Variants in ATXN1L observed in about 807,000 individuals in gnomAD.
The protein encoded by ATXN1L is ataxin-1-like.
A neutral mutation model predicts 43.4 loss-of-function variants in ATXN1L; 8 were observed. The ratio of observed to expected loss-of-function variants is 0.18; its 90% CI spans 0.11 to 0.33. The LOEUF (loss-of-function observed/expected upper bound fraction) is 0.33. ATXN1L is among the 10% of genes least tolerant of loss of function. The probability of loss-of-function intolerance (pLI) is 1.00; values close to 1 mark genes in which losing one functional copy is unlikely to be tolerated. For missense variants in ATXN1L, 856 were observed against 885.4 expected, an observed-to-expected ratio of 0.97 and a Z score of 0.42; for synonymous variants, 379 against 360.6, an observed-to-expected ratio of 1.05 and a Z score of -0.58.
chr16:71,851,524 G>A lies in ATXN1L; in HGVS notation c.1784G>A (p.Cys595Tyr). The A allele has an allele frequency of 1.3e-6, 2 of 1,551,600 alleles. No individual in the cohort carries two copies. Among genetic ancestry groups the A allele is most frequent in the East Asian group, 2.4e-5 (1 of 40,912 alleles). ...AGTAACTCAGTTTCTCAGGCCAGCT[G>A]TGCTCCCCCAAGCCAGCTGGGTCCC... Reference protein sequence around the residue: ...LNSNSVSQASCAPPSQLGPPR... With the variant: ...LNSNSVSQASYAPPSQLGPPR... The change falls in exon 3 of 3, where the codon TGT (cysteine) becomes TAT (tyrosine). Residue 595 changes from cysteine to tyrosine, a missense_variant. Cys to Tyr is a radical substitution (Grantham distance 194). Around this residue, in one of 7 missense-constraint regions of ATXN1L, gnomAD observed 185 missense variants for 176.8 expected, o/e 1.05. Transcript: ENST00000427980. This position sits in a 1 kb window ranked among gnomAD's most constrained non-coding sequence, Gnocchi z 4.9.
chr16:71,849,449 T>C (rs1795077727), intron 2 of ATXN1L, among the ~76,000 whole-genome samples, 175 bp from the exon 3 acceptor site: 1 of 152,144 alleles, frequency 6.6e-6, no homozygotes, highest in South Asian at 2.1e-4. Flanking sequence ...GTTTCTCTCA[T>C]GTCCCAGGCT....
In ATXN1L at chr16:71,851,419, C is replaced by T. The variant is rs1405847666; in HGVS notation, c.1679C>T (p.Thr560Met). The T allele has an allele frequency of 2.6e-6, 4 of 1,551,512 alleles. No homozygotes were observed. The highest frequency in any genetic ancestry group is 3.5e-6 in the Non-Finnish European group (4 of 1,146,960). Residue 560 changes from threonine to methionine, a missense_variant, in exon 3 of 3, where the codon ACG becomes ATG. Thr to Met is a moderately conservative substitution (Grantham distance 81). Around this residue, in one of 7 missense-constraint regions of ATXN1L, gnomAD observed 185 missense variants for 176.8 expected, o/e 1.05. Coordinates refer to ENST00000427980, the MANE Select transcript of ATXN1L (RefSeq NM_001137675.4). The surrounding 1 kb of genome is among the most constrained non-coding windows in gnomAD (Gnocchi z 4.9). Reference sequence around the variant, plus strand: ...TGGTCCTCTTGCAGCCCTGGGCGGACGACACAACTCTTCTCTCTGCCCTGC... The same window carrying T: ...TGGTCCTCTTGCAGCCCTGGGCGGATGACACAACTCTTCTCTCTGCCCTGC... ...QGWSSCSPGR[T>M]TQLFSLPCHR...
intron 1 of ATXN1L, 25 bp downstream of exon 1, chr16:71,846,129 C>A (rs962059747): frequency 5.4e-6 from 1 of 186,760 alleles, no homozygotes. Context: ...AAGTGGTGGC[C>A]GCCGGGGCCA....
At chr16:71,847,969 G>C (rs1168382421) in intron 1 of ATXN1L, 41 bp from the exon 2 acceptor site, 1 of 453,830 alleles carries the variant, frequency 2.2e-6, no homozygotes, top group Admixed American at 2.4e-5. Context: ...AGAATTAGAG[G>C]TCAGGCAGCC....
chr16:71,849,703 T>A lies in ATXN1L; in HGVS notation c.-38T>A. The A allele has an allele frequency of 6.8e-7, 1 of 1,462,936 alleles. No homozygotes were observed. Among genetic ancestry groups the A allele is most frequent in the East Asian group, 2.5e-5 (1 of 40,096 alleles). 90.6% of individuals were successfully genotyped at this position (1,462,936 alleles called of 1,614,324 possible). A position where few individuals can be genotyped will look rare whatever the true frequency, so the allele number is the denominator to read the frequency against. On this transcript the variant is annotated 5_prime_UTR_variant, in exon 3 of 3. Transcript: ENST00000427980. ...CCCTTCTGATGCCCCAGGGAGCAAG[T>A]CGACTCCTTCCAGGCTCCAGGAACA...
Position 71,851,853 on chromosome 16 carries a change from C to G in ATXN1L, c.*43C>G, listed in dbSNP as rs778384117. 18 of 1,377,258 alleles carry G rather than the reference C, an allele frequency of 1.3e-5. No individual in the cohort carries two copies. Among genetic ancestry groups the G allele is most frequent in the Non-Finnish European group, 1.6e-5 (17 of 1,059,438 alleles). The allele number at this position is 1,377,258 out of a possible 1,614,324, so 85.3% of individuals were successfully genotyped here. A position where few individuals can be genotyped will look rare whatever the true frequency, so the allele number is the denominator to read the frequency against. ...GGACTGGGGCTTTACCCCAGAGCCT[C>G]GCCTCGCCGCCGTGAGCAGGCAGAG... is the stretch of plus-strand genomic sequence containing the variant. On this transcript the variant is annotated 3_prime_UTR_variant, in exon 3 of 3. Transcript: ENST00000427980. This position sits in a 1 kb window ranked among gnomAD's most constrained non-coding sequence, Gnocchi z 4.9.
chr16:71,852,233 T>C lies in ATXN1L; in HGVS notation c.*423T>C, dbSNP rs1349983894. The C allele has an allele frequency of 1.2e-5, 2 of 169,186 alleles. No individual in the cohort carries two copies. Among genetic ancestry groups the C allele is most frequent in the South Asian group, 4.1e-4 (2 of 4,828 alleles). 10.5% of individuals were successfully genotyped at this position (169,186 alleles called of 1,614,324 possible). A position where few individuals can be genotyped will look rare whatever the true frequency, so the allele number is the denominator to read the frequency against. ...ATAGTAGCAGTTAAACTGTCAGAAG[T>C]TTTTTTTCTTTTTTGTGGTAGAAGG... On this transcript the variant is annotated 3_prime_UTR_variant, in exon 3 of 3. Transcript: ENST00000427980.
At position 71,851,013 on chromosome 16, in the gene ATXN1L, A is replaced by G. The variant is rs1334592430; in HGVS notation, c.1273A>G (p.Thr425Ala). 4 of 1,551,588 alleles carry G rather than the reference A, an allele frequency of 2.6e-6. No individual in the cohort carries two copies. The highest frequency in any genetic ancestry group is 3.5e-6 in the Non-Finnish European group (4 of 1,146,998). The change falls in exon 3 of 3, where the codon ACT becomes GCT. Residue 425 changes from threonine to alanine, a missense_variant. Coordinates refer to ENST00000427980, the MANE Select transcript of ATXN1L (RefSeq NM_001137675.4). The surrounding 1 kb of genome is among the most constrained non-coding windows in gnomAD (Gnocchi z 4.9). ...CAATGGCAACCTGGTGCCCACTGGA[A>G]CTGACTCAGGCCTGCTGCCTGTGGG... ...VANGNLVPTG[T>A]DSGLLPVGSE... is the part of the protein sequence containing the mutation.
In ATXN1L at chr16:71,851,913, G is replaced by C; in HGVS notation, c.*103G>C. ...ACGCCGAGCAGGGAATGGCTTTCTT[G>C]GCAGTGAGATTTGGGGGAAAGGGGA... is the stretch of plus-strand genomic sequence containing the variant. On this transcript the variant is annotated 3_prime_UTR_variant, in exon 3 of 3. Coordinates refer to ENST00000427980, the MANE Select transcript of ATXN1L (RefSeq NM_001137675.4). This position sits in a 1 kb window ranked among gnomAD's most constrained non-coding sequence, Gnocchi z 4.9. 2 of 1,281,626 alleles carry C rather than the reference G, an allele frequency of 1.6e-6. No homozygotes were observed. Among genetic ancestry groups the C allele is most frequent in the Non-Finnish European group, 2.0e-6 (2 of 983,580 alleles). The allele number at this position is 1,281,626 out of a possible 1,614,324, so 79.4% of individuals were successfully genotyped here. A position where few individuals can be genotyped will look rare whatever the true frequency, so the allele number is the denominator to read the frequency against.
At position 71,850,094 on chromosome 16, in the gene ATXN1L, A is replaced by G. The variant is rs1360820132; in HGVS notation, c.354A>G (p.Gln118=). ...TTAATGTAGCGTCTTCACTAATTCA[A>G]CATCCAGGCATCCACTATCCTCCAC... is the stretch of plus-strand genomic sequence containing the variant. ...PTFNVASSLI[Q]HPGIHYPPLH... The change falls in exon 3 of 3, where the codon CAA becomes CAG. Residue 118 remains glutamine, a synonymous_variant. Transcript: ENST00000427980. 24 of 1,551,428 alleles carry G rather than the reference A, an allele frequency of 1.5e-5. No individual in the cohort carries two copies. The highest frequency in any genetic ancestry group is 2.1e-5 in the Non-Finnish European group (24 of 1,146,954).
chr16:71,851,792 T>A lies in ATXN1L; in HGVS notation c.2052T>A (p.Arg684=), dbSNP rs1273965784. ...AGGTAAAGCTGTCCATTGAAGGGCG[T>A]TCCAATGCGGGAAAATGAACCTCTT... ...PQEVKLSIEG[R]SNAGK is the part of the protein sequence containing the mutation. The change falls in exon 3 of 3, where the codon CGT becomes CGA. Residue 684 remains arginine (R), a synonymous_variant. Transcript: ENST00000427980. This position sits in a 1 kb window ranked among gnomAD's most constrained non-coding sequence, Gnocchi z 4.9. The A allele has an allele frequency of 1.7e-5, 24 of 1,432,408 alleles. No homozygotes were observed. Among genetic ancestry groups the A allele is most frequent in the Admixed American group, 5.9e-5 (2 of 34,128 alleles). 88.7% of individuals were successfully genotyped at this position (1,432,408 alleles called of 1,614,324 possible). A position where few individuals can be genotyped will look rare whatever the true frequency, so the allele number is the denominator to read the frequency against.
chr16:71,846,742 G>T (rs1320955750), intron 1 of ATXN1L, among the ~76,000 whole-genome samples: 6 of 152,138 alleles, frequency 3.9e-5, no homozygotes, highest in Non-Finnish European at 4.4e-5. Flanking sequence ...GGAGGTTTCG[G>T]ATTCTTAAGT....
rs557068933 is a variant in ATXN1L at position 71,857,023 on chromosome 16, T to C, written c.*5213T>C. 1.2e-5 allele frequency: 2 copies of C among 167,252 alleles called. No individual in the cohort carries two copies. The highest frequency in any genetic ancestry group is 1.3e-4 in the Admixed American group (2 of 15,308). 10.4% of individuals were successfully genotyped at this position (167,252 alleles called of 1,614,324 possible). ...AGGTGCTCCCTCCACCCAATACCAT[T>C]TCTTACCCTCTAATCCTACCTGATC... On this transcript the variant is annotated 3_prime_UTR_variant, in exon 3 of 3. Transcript: ENST00000427980.
Position 71,851,116 on chromosome 16 carries a change from C to G in ATXN1L, c.1376C>G (p.Pro459Arg), listed in dbSNP as rs780139575. The G allele has an allele frequency of 2.6e-6, 4 of 1,551,554 alleles. No homozygotes were observed. The East Asian group carries it at 9.8e-5, about 38-fold the overall frequency. Reference protein sequence around the residue: ...TFPDKEPTPPPITSSHLPSHF... With the variant: ...TFPDKEPTPPRITSSHLPSHF... Reference sequence around the variant, plus strand: ...CCAGACAAGGAGCCAACGCCGCCCCCCATTACCTCCTCTCACTTGCCTTCC... The same window carrying G: ...CCAGACAAGGAGCCAACGCCGCCCCGCATTACCTCCTCTCACTTGCCTTCC... The change falls in exon 3 of 3, where the codon CCC becomes CGC. Residue 459 changes from proline to arginine, a missense_variant. Pro to Arg is a moderately radical substitution (Grantham distance 103). This residue lies in a region of ATXN1L where 490 missense variants were observed against 449.4 expected (regional missense o/e 1.09). Coordinates refer to ENST00000427980, the MANE Select transcript of ATXN1L (RefSeq NM_001137675.4). This position sits in a 1 kb window ranked among gnomAD's most constrained non-coding sequence, Gnocchi z 4.9.
At position 71,849,941 on chromosome 16, in the gene ATXN1L, A is replaced by T; in HGVS notation, c.201A>T (p.Gly67=). The change falls in exon 3 of 3, where the codon GGA becomes GGT. Residue 67 remains glycine (G), a synonymous_variant. Coordinates refer to ENST00000427980, the MANE Select transcript of ATXN1L (RefSeq NM_001137675.4). ...CCAGAGTCAGCCTGGGGGGTGATGG[A>T]GCTGAGGCCATCACCGGTCTGACAG... ...AGARVSLGGD[G]AEAITGLTVD... is the part of the protein sequence containing the mutation. 2 of 1,551,284 alleles carry T rather than the reference A, an allele frequency of 1.3e-6. No homozygotes were observed. Among genetic ancestry groups the T allele is most frequent in the Non-Finnish European group, 1.7e-6 (2 of 1,146,748 alleles).
rs1277082655 is a variant in ATXN1L, at chr16:71,849,913, G to C, written c.173G>C (p.Gly58Ala). 6.4e-7 allele frequency: 1 copy of C among 1,551,190 alleles called. No homozygotes were observed. The highest frequency in any genetic ancestry group is 1.4e-5 in the African/African-American group (1 of 73,130). ...GVVVAGQSQA[G>A]ARVSLGGDGA... ...GTGGTGGCTGGGCAGAGCCAGGCAG[G>C]AGCCAGAGTCAGCCTGGGGGGTGAT... The change falls in exon 3 of 3, where the codon GGA becomes GCA. Residue 58 changes from glycine to alanine, a missense_variant. Transcript: ENST00000427980.
rs767730095 is a variant in ATXN1L at position 71,851,110 on chromosome 16, C to T, written c.1370C>T (p.Pro457Leu). ...RATFPDKEPT[P>L]PPITSSHLPS... ...ACCTTCCCAGACAAGGAGCCAACGC[C>T]GCCCCCCATTACCTCCTCTCACTTG... The change falls in exon 3 of 3, where the codon CCG (proline) becomes CTG (leucine). Residue 457 changes from proline to leucine, a missense_variant. Physicochemically the swap from Pro to Leu is moderately conservative, Grantham distance 98. Around this residue, in one of 7 missense-constraint regions of ATXN1L, gnomAD observed 490 missense variants for 449.4 expected, o/e 1.09. Coordinates refer to ENST00000427980, the MANE Select transcript of ATXN1L (RefSeq NM_001137675.4). The surrounding 1 kb of genome is among the most constrained non-coding windows in gnomAD (Gnocchi z 4.9). 39 of 1,551,460 alleles carry T rather than the reference C, an allele frequency of 2.5e-5. No individual in the cohort carries two copies. The highest frequency in any genetic ancestry group is 2.2e-4 in the East Asian group (9 of 40,930).
At position 71,852,087 on chromosome 16, in the gene ATXN1L, A is replaced by C; in HGVS notation, c.*277A>C. The C allele has an allele frequency of 1.4e-5, 4 of 294,960 alleles. No homozygotes were observed. Among genetic ancestry groups the C allele is most frequent in the Non-Finnish European group, 2.6e-5 (4 of 151,382 alleles). The allele number at this position is 294,960 out of a possible 1,614,324, so 18.3% of individuals were successfully genotyped here. ...CACACAGGAGAAGAAACATTCCAAAATCAGGGCCTCCCTGTTCTTTCCTCC... is the reference window on the plus strand; with the variant it reads ...CACACAGGAGAAGAAACATTCCAAACTCAGGGCCTCCCTGTTCTTTCCTCC... On this transcript the variant is annotated 3_prime_UTR_variant, in exon 3 of 3. Transcript: ENST00000427980.
intron 1 of ATXN1L, among the ~76,000 whole-genome samples, chr16:71,846,394 C>T (rs1478808575): frequency 6.6e-6 from 1 of 152,238 alleles, no homozygotes; most frequent in Non-Finnish European, 1.5e-5. Context: ...CAGGGCCTCG[C>T]CCCTGCCCCC....
Sources: gnomAD v4.1 joint callset for allele counts (sites outside exome capture counted in the v4.1 genomes callset) on GRCh38, gnomAD v4.1.1 for gene constraint, gnomAD v4.1.1 regional missense constraint, Gnocchi (gnomAD v3.1) non-coding constraint, MANE v1.5 for transcripts, NCBI Gene and HGNC (gene_info 2026-07-23, HGNC 2026-07-21) for gene names.